The following NCKAP5 variants were observed in gnomAD, a reference collection of about 807,000 sequenced individuals.
The protein encoded by NCKAP5 is nck-associated protein 5.
A neutral mutation model predicts 167.0 loss-of-function variants in NCKAP5; 92 were observed. The ratio of observed to expected loss-of-function variants is 0.55; its 90% CI spans 0.47 to 0.66. NCKAP5 has a LOEUF of 0.66. Among genes scored for constraint, NCKAP5 ranks in the 30% least tolerant of loss-of-function variants. The pLI is 0.00. For synonymous variants in NCKAP5, 891 were observed against 877.4 expected, an observed-to-expected ratio of 1.02 and a Z score of -0.27; for missense variants, 2,378 against 2,315.0, an observed-to-expected ratio of 1.03 and a Z score of -0.56.
chr2:133,254,295 T>C (rs1179902401), intron 4 of NCKAP5, among the ~76,000 whole-genome samples: 2 of 151,898 alleles, frequency 1.3e-5, no homozygotes. Context: ...AGAGAGAGCA[T>C]GTGGAGAGAT....
At chr2:132,861,658 TTTGA>T (rs1358778958) in intron 10 of NCKAP5, among the ~76,000 whole-genome samples, 1 of 152,200 alleles carries the variant, frequency 6.6e-6, no homozygotes, top group Non-Finnish European at 1.5e-5. Flanking sequence ...TATTTGGCTC[TTTGA>T]TTGAAGTACA....
At position 132,994,008 on chromosome 2, in the gene NCKAP5, A is replaced by G. The variant is rs373896142; in HGVS notation, c.429+144T>C. On this transcript the variant is annotated intron_variant, in intron 7 of 19. Transcript: ENST00000409261. ...ATTGAATAAACGTGTATGATTCCTC[A>G]AAACAGAGGTGACTAGGTGGCTTTT... The G allele has an allele frequency of 3.3e-4, 179 of 543,962 alleles. 1 individual carries two copies. The African/African-American group carries it at 3.3e-3, about 10-fold the overall frequency. The allele number at this position is 543,962 out of a possible 1,614,324, so 33.7% of individuals were successfully genotyped here.
At chr2:132,707,778 G>T (rs931512144) in intron 19 of NCKAP5, among the ~76,000 whole-genome samples, 1 of 152,166 alleles carries the variant, frequency 6.6e-6, no homozygotes, top group Admixed American at 6.5e-5. Flanking sequence ...TCATAGCTTT[G>T]CGAGGGACTG....
intron 4 of NCKAP5, among the ~76,000 whole-genome samples, chr2:133,251,123 A>C (rs2088297058): frequency 6.6e-6 from 1 of 152,142 alleles, no homozygotes; most frequent in African/African-American, 2.4e-5. Flanking sequence ...ACAAAGAAAA[A>C]ATACAGTGTA....
intron 4 of NCKAP5, among the ~76,000 whole-genome samples, chr2:133,287,975 A>G (rs1679280806): frequency 6.6e-6 from 1 of 152,184 alleles, no homozygotes; most frequent in South Asian, 2.1e-4. Context: ...CATTCCAAAC[A>G]TGCTTGGTTT....
At chr2:133,242,474 C>T (rs1454564526) in intron 4 of NCKAP5, among the ~76,000 whole-genome samples, 1 of 152,120 alleles carries the variant, frequency 6.6e-6, no homozygotes, top group Non-Finnish European at 1.5e-5. Flanking sequence ...CAGAAGGCAA[C>T]CTATTGGTCT....
intron 5 of NCKAP5, among the ~76,000 whole-genome samples, chr2:133,152,674 G>C (rs2083424010): frequency 6.6e-6 from 1 of 152,182 alleles, no homozygotes; most frequent in Admixed American, 6.5e-5. Flanking sequence ...TAAGTGAAAA[G>C]AGCCAGTCTG....
At chr2:132,915,090 G>A (rs1274166876) in intron 8 of NCKAP5, among the ~76,000 whole-genome samples, 2 of 151,862 alleles carry the variant, frequency 1.3e-5, no homozygotes, top group African/African-American at 4.8e-5. Context: ...TTTAAAATGT[G>A]CACAAATAGA....
intron 13 of NCKAP5, among the ~76,000 whole-genome samples, chr2:132,787,534 T>C (rs1023300180): frequency 1.3e-5 from 2 of 152,166 alleles, no homozygotes; most frequent in Admixed American, 6.5e-5. Context: ...CTTAGTACAC[T>C]GTAAACATTT....
chr2:133,212,458 C>T (rs537297906), intron 5 of NCKAP5, among the ~76,000 whole-genome samples: 8 of 152,302 alleles, frequency 5.3e-5, no homozygotes, highest in Admixed American at 5.2e-4. Context: ...ACCTCCGCCT[C>T]CCAGGTTCAA....
chr2:132,963,237 T>C (rs2076569794), intron 8 of NCKAP5, among the ~76,000 whole-genome samples: 1 of 152,226 alleles, frequency 6.6e-6, no homozygotes, highest in South Asian at 2.1e-4. Context: ...TTAGCCAGTT[T>C]CAGCTCACTG....
rs112498235 is a variant in NCKAP5, at chr2:133,182,703, C to T, written c.207+31013G>A. Among the ~76,000 whole-genome samples the T allele has an allele frequency of 8.8e-3, 1,329 of 151,822 alleles. 26 individuals are homozygous for T. The highest frequency in any genetic ancestry group is 0.031 in the African/African-American group (1,269 of 41,416). On this transcript the variant is annotated intron_variant, in intron 5 of 19. Coordinates refer to ENST00000409261, the MANE Select transcript of NCKAP5 (RefSeq NM_207363.3). ...AAATCAGTAATGTAAGTTCCCAACT[C>T]AAAAACAGAAAAAGAACAACTAAAT...
At chr2:132,995,041 C>T (rs1318369552) in intron 6 of NCKAP5, among the ~76,000 whole-genome samples, 3 of 152,110 alleles carry the variant, frequency 2.0e-5, no homozygotes, top group Non-Finnish European at 4.4e-5. Context: ...ACGAATGGAG[C>T]TCACAGGACT....
At chr2:133,129,617 G>A (rs573456974) in intron 6 of NCKAP5, among the ~76,000 whole-genome samples, 11 of 152,196 alleles carry the variant, frequency 7.2e-5, no homozygotes, top group African/African-American at 2.4e-4. Context: ...ACCTAGTAAT[G>A]GGATGGCTGG....
Position 132,783,562 on chromosome 2 carries a change from A to T in NCKAP5, c.3249T>A (p.Ser1083Arg), listed in dbSNP as rs748857903. The change falls in exon 14 of 20, where the codon AGT becomes AGA. Residue 1083 changes from serine to arginine, a missense_variant. Physicochemically the swap from Ser to Arg is moderately radical, Grantham distance 110. Around this residue, in one of 3 missense-constraint regions of NCKAP5, gnomAD observed 1,325 missense variants for 1,274.5 expected, o/e 1.04. Transcript: ENST00000409261. ...HEPLEMTSSK[S>R]VSPGRKGQLN... is the part of the protein sequence containing the mutation. Reference sequence around the variant, plus strand: ...ATTGTCCTTTTCTCCCTGGAGATACACTTTTGGAGGACGTCATTTCCAGTG... The same window carrying T: ...ATTGTCCTTTTCTCCCTGGAGATACTCTTTTGGAGGACGTCATTTCCAGTG... 1.9e-6 allele frequency: 3 copies of T among 1,613,890 alleles called. No individual in the cohort carries two copies. Among genetic ancestry groups the T allele is most frequent in the Non-Finnish European group, 1.7e-6 (2 of 1,179,870 alleles).
chr2:133,267,910 G>C (rs2089318134), intron 4 of NCKAP5, among the ~76,000 whole-genome samples: 2 of 152,156 alleles, frequency 1.3e-5, no homozygotes, highest in Non-Finnish European at 2.9e-5. Context: ...AATGGCAGTA[G>C]TCCTAGAGAC....
chr2:132,851,553 C>T lies in NCKAP5; in HGVS notation c.807+8939G>A, dbSNP rs556111199. On this transcript the variant is annotated intron_variant, in intron 11 of 19. Transcript: ENST00000409261. ...TAGGGTCTGGCCATCCCGGGCTGCA[C>T]GGGGCTTCAGTGGCCTTCCTGCAGT... Among the ~76,000 whole-genome samples the T allele has an allele frequency of 4.6e-5, 7 of 152,292 alleles. No individual in the cohort carries two copies. In the South Asian group the frequency reaches 1.0e-3, roughly 23 times the overall value.
At chr2:133,499,592 C>T (rs1042959180) in intron 3 of NCKAP5, among the ~76,000 whole-genome samples, 12 of 152,138 alleles carry the variant, frequency 7.9e-5, no homozygotes. Flanking sequence ...TGGAGTCTAG[C>T]TCTGTCGCCC....
At chr2:133,356,233 A>T (rs536440921) in intron 3 of NCKAP5, among the ~76,000 whole-genome samples, 1 of 152,178 alleles carries the variant, frequency 6.6e-6, no homozygotes, top group Non-Finnish European at 1.5e-5. Context: ...AACTAGAAGC[A>T]GTGTTCTTAT....
Sources: gnomAD v4.1 joint callset for allele counts (sites outside exome capture counted in the v4.1 genomes callset) on GRCh38, gnomAD v4.1.1 for gene constraint, gnomAD v4.1.1 regional missense constraint, MANE v1.5 for transcripts, NCBI Gene and HGNC (gene_info 2026-07-23, HGNC 2026-07-21) for gene names.